ALG1: variants seen among roughly 807,000 people sequenced by gnomAD.
ALG1 encodes ALG1 chitobiosyldiphosphodolichol beta-mannosyltransferase.
In ALG1, 58 loss-of-function variants were observed where a neutral mutation model predicts 55.1. The observed-to-expected ratio is 1.05, with a 90% CI of 0.85 to 1.31. ALG1 has a LOEUF of 1.31. Among genes scored for constraint, ALG1 ranks in the 50% most tolerant of loss-of-function variants. The pLI is 0.00. For missense variants in ALG1, 761 were observed against 598.6 expected, an observed-to-expected ratio of 1.27 and a Z score of -2.83; for synonymous variants, 309 against 247.0, an observed-to-expected ratio of 1.25 and a Z score of -2.35.
At chr16:5,082,479 G>A in intron 10 of ALG1, 80 bp from the exon 11 acceptor site, 1 of 1,457,690 alleles carries the variant, frequency 6.9e-7, no homozygotes, top group Non-Finnish European at 9.6e-7. Flanking sequence ...CTCCTTGGGG[G>A]ATGCTGCCTC....
Position 5,085,796 on chromosome 16 carries a change from G to C in ALG1, c.*915G>C. 1 of 1,289,390 alleles carries C rather than the reference G, an allele frequency of 7.8e-7. No homozygotes were observed. The highest frequency in any genetic ancestry group is 1.1e-6 in the Non-Finnish European group (1 of 885,982). The allele number at this position is 1,289,390 out of a possible 1,614,324, so 79.9% of individuals were successfully genotyped here. A position where few individuals can be genotyped will look rare whatever the true frequency, so the allele number is the denominator to read the frequency against. On this transcript the variant is annotated 3_prime_UTR_variant, in exon 13 of 13. Transcript: ENST00000262374. ...TGGGGACAGGACATGAGGGTATTGT[G>C]TGGGGCTGCTAGGACAGGCCTGGCG...
chr16:5,078,088 G>T, intron 6 of ALG1, 71 bp downstream of exon 6: 6 of 1,541,012 alleles, frequency 3.9e-6, no homozygotes, highest in Non-Finnish European at 4.4e-6. Context: ...TCTCACTGCA[G>T]ACCTGGGAAC....
chr16:5,078,917 G>C (rs762780764), intron 7 of ALG1, 39 bp downstream of exon 7: 1 of 1,608,068 alleles, frequency 6.2e-7, no homozygotes, highest in Admixed American at 1.7e-5. Flanking sequence ...TTGGTGTGAC[G>C]GGCACCTGGC....
intron 10 of ALG1, among the ~76,000 whole-genome samples, chr16:5,081,681 C>A (rs1037785175): frequency 6.6e-6 from 1 of 152,128 alleles, no homozygotes; most frequent in Non-Finnish European, 1.5e-5. Context: ...ACCTCAGCCT[C>A]CCGAGTAGAT....
At chr16:5,078,286 T>C (rs1306079813) in intron 6 of ALG1, 4 of 666,368 alleles carry the variant, frequency 6.0e-6, no homozygotes, top group African/African-American at 5.3e-5. Context: ...ATTTACTCTC[T>C]GGCCCTTTAA....
At position 5,075,379 on chromosome 16, in the gene ALG1, C is replaced by G; in HGVS notation, c.391-9C>G. ...GGTTTCCTCCCCTTCAAGTCTCTAT[C>G]TTTCCTAGAACCCCCCAGGTCTGCC... is the stretch of plus-strand genomic sequence containing the variant. On this transcript the variant is annotated splice_polypyrimidine_tract_variant and intron_variant, in intron 3 of 12. Transcript: ENST00000262374. 6.2e-7 allele frequency: 1 copy of G among 1,614,108 alleles called. No individual in the cohort carries two copies. Among genetic ancestry groups the G allele is most frequent in the East Asian group, 2.2e-5 (1 of 44,880 alleles).
At chr16:5,075,861 G>A (rs1956903064) in intron 4 of ALG1, among the ~76,000 whole-genome samples, 1 of 152,184 alleles carries the variant, frequency 6.6e-6, no homozygotes, top group East Asian at 1.9e-4. Context: ...TTGTCCTCAC[G>A]TAGGCTCATT....
chr16:5,075,087 A>G (rs1956884878), intron 3 of ALG1, among the ~76,000 whole-genome samples: 1 of 152,074 alleles, frequency 6.6e-6, no homozygotes. Flanking sequence ...AATTTTTTGT[A>G]GAGATGAGGT....
Position 5,084,568 on chromosome 16 carries a change from A to G in ALG1, c.1264-182A>G, listed in dbSNP as rs984544078. 166 of 982,478 alleles carry G rather than the reference A, an allele frequency of 1.7e-4. 1 individual carries two copies. The Middle Eastern group carries it at 5.3e-3, about 31-fold the overall frequency. 60.9% of individuals were successfully genotyped at this position (982,478 alleles called of 1,614,324 possible). On this transcript the variant is annotated intron_variant, in intron 12 of 12. Transcript: ENST00000262374. The stretch of plus-strand genomic sequence containing the variant: ...GGGACATGCGGGGAAGTTTCCAGAA[A>G]CTGTGATGTCAAGTTGGAGGCGGAG...
chr16:5,078,367 T>C (rs1956953447), intron 6 of ALG1: 1 of 590,268 alleles, frequency 1.7e-6, no homozygotes, highest in Admixed American at 2.2e-5. Context: ...GCAGGATCTG[T>C]GGACCTGTGT....
At chr16:5,079,035 G>A (rs757760584) in intron 7 of ALG1, 29 bp from the exon 8 acceptor site, 1 of 1,604,274 alleles carries the variant, frequency 6.2e-7, no homozygotes, top group Non-Finnish European at 8.5e-7. Context: ...CTAGAAACAG[G>A]CCCCTGACAT....
At chr16:5,083,199 C>G (rs570524736) in intron 11 of ALG1, among the ~76,000 whole-genome samples, 5 of 152,214 alleles carry the variant, frequency 3.3e-5, no homozygotes, top group Admixed American at 6.5e-5. Context: ...AGCAGTAGCC[C>G]CAGCACAAGT....
chr16:5,080,149 C>T (rs1169604591), intron 9 of ALG1, among the ~76,000 whole-genome samples: 1 of 148,754 alleles, frequency 6.7e-6, no homozygotes, highest in Non-Finnish European at 1.5e-5. Flanking sequence ...CTCACTGCAA[C>T]CTCCGCCTCC....
intron 4 of ALG1, 77 bp downstream of exon 4, chr16:5,075,613 C>T (rs1956898141): frequency 6.3e-6 from 10 of 1,583,108 alleles, no homozygotes; most frequent in African/African-American, 4.0e-5. Flanking sequence ...CCATAGTGGG[C>T]CTCCGGAAGT....
chr16:5,078,209 GC>G, intron 6 of ALG1, 192 bp downstream of exon 6: 1 of 749,686 alleles, frequency 1.3e-6, no homozygotes, highest in East Asian at 2.7e-5. Flanking sequence ...GTCTACAGCC[GC>G]CTTTGAGCTG....
At chr16:5,076,864 G>A (rs753249032) in intron 4 of ALG1, among the ~76,000 whole-genome samples, 5 of 146,740 alleles carry the variant, frequency 3.4e-5, no homozygotes, top group Non-Finnish European at 7.4e-5. Flanking sequence ...GCGCCATCTC[G>A]GCTCACTGCA....
At chr16:5,075,686 C>G in intron 4 of ALG1, 150 bp downstream of exon 4, 1 of 997,778 alleles carries the variant, frequency 1.0e-6, no homozygotes, top group Non-Finnish European at 1.5e-6. Flanking sequence ...AATGCTGGTT[C>G]CAAATGATAG....
chr16:5,071,890 T>G lies in ALG1; in HGVS notation c.41T>G (p.Leu14Arg). The change falls in exon 1 of 13, where the codon CTG becomes CGG. Residue 14 changes from leucine to arginine, a missense_variant. Physicochemically the swap from Leu to Arg is moderately radical, Grantham distance 102. Coordinates refer to ENST00000262374, the MANE Select transcript of ALG1 (RefSeq NM_019109.5). Reference sequence around the variant, plus strand: ...TTGGTCCTGCTGGCGCTGTGTCTGCTGCTGCCGCTGCTGCTGCTGGGAGGA... The same window carrying G: ...TTGGTCCTGCTGGCGCTGTGTCTGCGGCTGCCGCTGCTGCTGCTGGGAGGA... ...SCLVLLALCL[L>R]LPLLLLGGWK... is the part of the protein sequence containing the mutation. 2 of 1,600,158 alleles carry G rather than the reference T, an allele frequency of 1.2e-6. No homozygotes were observed. The highest frequency in any genetic ancestry group is 1.7e-6 in the Non-Finnish European group (2 of 1,175,436).
chr16:5,082,341 C>A lies in ALG1; in HGVS notation c.1073-218C>A, dbSNP rs1297410336. ...ACAAAACAACACAACAACAAAAAAA[C>A]CAAATTGTGGTTACGTATAAAAAGT... On this transcript the variant is annotated intron_variant, in intron 10 of 12. Transcript: ENST00000262374. Among the ~76,000 whole-genome samples, 7 of 149,162 alleles carry A rather than the reference C, an allele frequency of 4.7e-5. No homozygotes were observed. The East Asian group carries it at 7.9e-4, about 17-fold the overall frequency.
Sources: gnomAD v4.1 joint callset for allele counts (sites outside exome capture counted in the v4.1 genomes callset) on GRCh38, gnomAD v4.1.1 for gene constraint, MANE v1.5 for transcripts, NCBI Gene and HGNC (gene_info 2026-07-23, HGNC 2026-07-21) for gene names.